Variants in LMNTD1 observed in about 807,000 individuals in gnomAD.
LMNTD1 encodes the protein lamin tail domain-containing protein 1.
Under a neutral mutation model 50.9 loss-of-function variants are expected in LMNTD1, and 35 were observed. The observed-to-expected ratio is 0.69, with a 90% CI of 0.53 to 0.91. The LOEUF is 0.91. LMNTD1 is among the 40% of genes least tolerant of loss of function. The pLI, the probability that LMNTD1 is intolerant of heterozygous loss-of-function variation, is 0.00. For missense variants in LMNTD1, 470 were observed against 475.5 expected (o/e 0.99, Z 0.11); for synonymous variants, 153 against 161.9 (o/e 0.94, Z 0.42).
At chr12:25,645,330 T>A (rs1947045105) in intron 1 of LMNTD1, among the ~76,000 whole-genome samples, 2 of 152,052 alleles carry the variant, frequency 1.3e-5, no homozygotes, top group Admixed American at 1.3e-4. Context: ...TGTGAAAGAG[T>A]GACAGCATCA....
chr12:25,623,382 A>C (rs1259488136), intron 1 of LMNTD1, among the ~76,000 whole-genome samples: 1 of 151,478 alleles, frequency 6.6e-6, no homozygotes, highest in Non-Finnish European at 1.5e-5. Flanking sequence ...AAACCCCATC[A>C]CTACTAAAAA....
chr12:25,616,107 C>T (rs1428346532), intron 1 of LMNTD1, among the ~76,000 whole-genome samples: 1 of 151,994 alleles, frequency 6.6e-6, no homozygotes, highest in African/African-American at 2.4e-5. Flanking sequence ...CACACACACA[C>T]ACACACACAC....
intron 8 of LMNTD1, among the ~76,000 whole-genome samples, chr12:25,518,108 C>A (rs1335013046): frequency 1.3e-5 from 2 of 152,172 alleles, no homozygotes; most frequent in Non-Finnish European, 2.9e-5. Flanking sequence ...ATCATTACAA[C>A]TTCACCAGGA....
Position 25,641,739 on chromosome 12 carries a change from A to G in LMNTD1, c.58+6755T>C, listed in dbSNP as rs531716344. 3.3e-5 allele frequency among the ~76,000 whole-genome samples: 5 copies of G among 152,124 alleles called. No homozygotes were observed. The East Asian group carries it at 5.8e-4, about 18-fold the overall frequency. The stretch of plus-strand genomic sequence containing the variant: ...GTAAATAATAAAAGAAACATTATGA[A>G]ACTCTGCAGTTCCACAGAATATAAT... On this transcript the variant is annotated intron_variant, in intron 1 of 7. Transcript: ENST00000445693.
In LMNTD1 at chr12:25,527,681, TACACACACACACAC is replaced by T. The variant is rs376707066; in HGVS notation, c.492-740_492-727del. ...ATATATATATATATATATATATATATACACACACACACACACACACACACACACACACACACACA... is the reference window on the plus strand; with the variant it reads ...ATATATATATATATATATATATATATACACACACACACACACACACACACA... On this transcript the variant is annotated intron_variant, in intron 4 of 9. Transcript: ENST00000458174. Among the ~76,000 whole-genome samples the T allele has an allele frequency of 5.0e-3, 162 of 32,112 alleles. 2 individuals carry two copies. The highest frequency in any genetic ancestry group is 6.0e-3 in the South Asian group (6 of 998). 21.1% of individuals were successfully genotyped at this position (32,112 alleles called of 152,430 possible).
chr12:25,643,513 G>A (rs181139217), intron 1 of LMNTD1, among the ~76,000 whole-genome samples: 73 of 152,306 alleles, frequency 4.8e-4, no homozygotes, highest in Non-Finnish European at 7.4e-4. Flanking sequence ...CTTTTTAATA[G>A]CAAGGAAAAT....
chr12:25,639,325 T>A (rs1468765010), intron 1 of LMNTD1, among the ~76,000 whole-genome samples: 1 of 152,090 alleles, frequency 6.6e-6, no homozygotes, highest in Non-Finnish European at 1.5e-5. Flanking sequence ...TTTGACTTCA[T>A]CAAAATTGAA....
chr12:25,496,387 T>C (rs1417521315), intron 9 of LMNTD1, among the ~76,000 whole-genome samples: 1 of 152,200 alleles, frequency 6.6e-6, no homozygotes, highest in Non-Finnish European at 1.5e-5. Context: ...CAAAACATTA[T>C]GACTGCACAG....
chr12:25,552,045 T>C (rs1409355359), intron 2 of LMNTD1, among the ~76,000 whole-genome samples: 3 of 152,180 alleles, frequency 2.0e-5, no homozygotes, highest in African/African-American at 7.2e-5. Context: ...AAAAATGGAC[T>C]TGGACTGAAC....
chr12:25,558,015 T>C (rs890688551), upstream of LMNTD1, among the ~76,000 whole-genome samples: 6 of 152,238 alleles, frequency 3.9e-5, no homozygotes, highest in Non-Finnish European at 8.8e-5. Context: ...ATTGATTCTC[T>C]AGTTTATGGA....
Position 25,628,086 on chromosome 12 carries a change from C to T in LMNTD1, c.58+20408G>A, listed in dbSNP as rs1017845798. Among the ~76,000 whole-genome samples, 25 of 103,730 alleles carry T rather than the reference C, an allele frequency of 2.4e-4. 1 individual carries two copies. Among genetic ancestry groups the T allele is most frequent in the Admixed American group, 9.9e-4 (6 of 6,056 alleles). The allele number at this position is 103,730 out of a possible 152,430, so 68.1% of individuals were successfully genotyped here. On this transcript the variant is annotated intron_variant, in intron 1 of 7. Transcript: ENST00000445693. Reference sequence around the variant, plus strand: ...TCGCGCCACTGCACTCCAGCCTGGGCGACAGAGTGAAACTCCGTCTCAAAA... The same window carrying T: ...TCGCGCCACTGCACTCCAGCCTGGGTGACAGAGTGAAACTCCGTCTCAAAA...
chr12:25,524,585 G>T, intron 6 of LMNTD1, among the ~76,000 whole-genome samples: 1 of 152,158 alleles, frequency 6.6e-6, no homozygotes, highest in East Asian at 1.9e-4. Flanking sequence ...TCAGTGCCTG[G>T]AGCAATGCAC....
rs575907125 is a variant in LMNTD1 at position 25,519,086 on chromosome 12, C to T, written c.1017-119G>A. 6 of 903,686 alleles carry T rather than the reference C, an allele frequency of 6.6e-6. No individual in the cohort carries two copies. The African/African-American group carries it at 1.0e-4, about 15-fold the overall frequency. The allele number at this position is 903,686 out of a possible 1,614,324, so 56.0% of individuals were successfully genotyped here. A position where few individuals can be genotyped will look rare whatever the true frequency, so the allele number is the denominator to read the frequency against. On this transcript the variant is annotated intron_variant, in intron 7 of 9. Transcript: ENST00000458174. ...AACCAAGAGAATATGACTTTTTAAA[C>T]TTTGTGGGCAGAACTTTTATTATAA...
intron 1 of LMNTD1, among the ~76,000 whole-genome samples, chr12:25,562,006 C>T (rs1302246062): frequency 1.3e-5 from 2 of 152,136 alleles, no homozygotes; most frequent in Non-Finnish European, 2.9e-5. Context: ...TTCCTCCATC[C>T]CTTTATTTTG....
At chr12:25,632,440 C>G (rs1946739757) in intron 1 of LMNTD1, among the ~76,000 whole-genome samples, 1 of 152,190 alleles carries the variant, frequency 6.6e-6, no homozygotes, top group African/African-American at 2.4e-5. Flanking sequence ...AGATTAACAG[C>G]AGATTTCTCA....
chr12:25,589,211 T>C (rs1240627785), intron 1 of LMNTD1, among the ~76,000 whole-genome samples: 1 of 152,170 alleles, frequency 6.6e-6, no homozygotes, highest in Non-Finnish European at 1.5e-5. Context: ...AAAATGTCTA[T>C]GTATATAACA....
intron 1 of LMNTD1, among the ~76,000 whole-genome samples, chr12:25,648,212 C>T (rs995911781): frequency 6.6e-6 from 1 of 152,178 alleles, no homozygotes; most frequent in Non-Finnish European, 1.5e-5. Flanking sequence ...TCTATACATA[C>T]GTGTTCATTT....
intron 9 of LMNTD1, among the ~76,000 whole-genome samples, chr12:25,498,965 A>G (rs10771223): frequency 0.26 from 39,806 of 152,050 alleles, 5,457 homozygotes; most frequent in Middle Eastern, 0.34. Context: ...AATATGAAGT[A>G]AAGGTGTTCA....
chr12:25,624,279 T>C (rs1214555643), intron 1 of LMNTD1, among the ~76,000 whole-genome samples: 1 of 152,224 alleles, frequency 6.6e-6, no homozygotes, highest in Non-Finnish European at 1.5e-5. Context: ...AAATTTGCCA[T>C]CAGTCTTAAT....
Sources: gnomAD v4.1 joint callset for allele counts (sites outside exome capture counted in the v4.1 genomes callset) on GRCh38, gnomAD v4.1.1 for gene constraint, MANE v1.5 for transcripts, NCBI Gene and HGNC (gene_info 2026-07-23, HGNC 2026-07-21) for gene names.